Variants in NEK11 observed in about 807,000 individuals in gnomAD.
The protein encoded by NEK11 is NIMA related kinase 11, also known as serine/threonine-protein kinase Nek11.
In NEK11, 72 loss-of-function variants were observed where a neutral mutation model predicts 80.7. The observed-to-expected ratio is 0.89, with a 90% CI of 0.74 to 1.08. The LOEUF (loss-of-function observed/expected upper bound fraction) is 1.08, where lower values mean the gene tolerates loss of function less well. Among genes scored for constraint, NEK11 ranks in the 50% least tolerant of loss-of-function variants. The probability of loss-of-function intolerance (pLI) is 0.00; values close to 1 mark genes in which losing one functional copy is unlikely to be tolerated. For missense variants in NEK11, 764 were observed against 763.6 expected (o/e 1.00, Z -0.01); for synonymous variants, 251 against 260.7 (o/e 0.96, Z 0.36).
At chr3:131,251,342 AG>A (rs1012170339) in intron 16 of NEK11, among the ~76,000 whole-genome samples, 7 of 152,026 alleles carry the variant, frequency 4.6e-5, no homozygotes, top group African/African-American at 1.7e-4. Flanking sequence ...TTCTTAGATT[AG>A]AAGTCAATTT....
chr3:131,100,785 T>C (rs544724005), intron 4 of NEK11, among the ~76,000 whole-genome samples: 2 of 152,322 alleles, frequency 1.3e-5, no homozygotes, highest in South Asian at 4.1e-4. Flanking sequence ...CCCCTCCTCC[T>C]TGATTTTTTG....
intron 17 of NEK11, among the ~76,000 whole-genome samples, chr3:131,282,708 A>G (rs1371199070): frequency 1.3e-5 from 2 of 152,232 alleles, no homozygotes; most frequent in Admixed American, 6.5e-5. Context: ...TCACAGGAAT[A>G]TCTTGACAGG....
At chr3:131,094,101 G>T (rs760687284) in intron 4 of NEK11, among the ~76,000 whole-genome samples, 3 of 150,460 alleles carry the variant, frequency 2.0e-5, no homozygotes, top group Non-Finnish European at 4.4e-5. Flanking sequence ...GAGATATAGG[G>T]ATCCAAGGCT....
intron 17 of NEK11, among the ~76,000 whole-genome samples, chr3:131,290,709 C>T (rs1433182588): frequency 6.6e-6 from 1 of 152,216 alleles, no homozygotes; most frequent in Non-Finnish European, 1.5e-5. Context: ...ACCTAGATTT[C>T]TACTAGTATG....
chr3:131,154,732 G>C (rs1472717613), intron 9 of NEK11: 3 of 292,634 alleles, frequency 1.0e-5, no homozygotes, highest in Non-Finnish European at 2.0e-5. Context: ...CAGTCTGGGA[G>C]GTTGGAAAAA....
chr3:131,110,277 A>G lies in NEK11; in HGVS notation c.455+356A>G, dbSNP rs914213595. On this transcript the variant is annotated intron_variant, in intron 5 of 17. Coordinates refer to ENST00000383366, the MANE Select transcript of NEK11 (RefSeq NM_024800.5). The stretch of plus-strand genomic sequence containing the variant: ...GTATCTTACAGCAGGCTTGAGTTGT[A>G]AATACCTTAGTATGCCACAAATGAA... Among the ~76,000 whole-genome samples, 4 of 152,256 alleles carry G rather than the reference A, an allele frequency of 2.6e-5. No homozygotes were observed. The East Asian group carries it at 7.7e-4, about 29-fold the overall frequency.
chr3:131,347,035 G>A (rs984005282), intron 17 of NEK11, among the ~76,000 whole-genome samples: 2 of 152,150 alleles, frequency 1.3e-5, no homozygotes, highest in African/African-American at 4.8e-5. Flanking sequence ...AATGACCAGG[G>A]TTTGGTAGAT....
At chr3:131,149,274 C>T (rs1015082530) in intron 7 of NEK11, among the ~76,000 whole-genome samples, 3 of 151,908 alleles carry the variant, frequency 2.0e-5, no homozygotes, top group East Asian at 1.9e-4. Context: ...GTTAGTTTGC[C>T]TCCAGGTTGA....
intron 4 of NEK11, among the ~76,000 whole-genome samples, chr3:131,099,393 A>G (rs761774554): frequency 6.8e-4 from 104 of 152,184 alleles, no homozygotes; most frequent in Non-Finnish European, 1.1e-3. Flanking sequence ...GTTTGAAGTC[A>G]GGTAGTGTGA....
At chr3:131,287,259 C>T (rs748319762) in intron 17 of NEK11, among the ~76,000 whole-genome samples, 9 of 152,002 alleles carry the variant, frequency 5.9e-5, no homozygotes, top group Non-Finnish European at 1.0e-4. Context: ...CAAGGATGGT[C>T]CAAAGATGTT....
intron 17 of NEK11, among the ~76,000 whole-genome samples, chr3:131,304,486 G>A (rs2096700716): frequency 6.6e-6 from 1 of 152,186 alleles, no homozygotes; most frequent in Non-Finnish European, 1.5e-5. Flanking sequence ...TTTTTGAGTT[G>A]CCAGAGTTCT....
At chr3:131,315,362 TTTTC>T (rs2096826352) in intron 17 of NEK11, among the ~76,000 whole-genome samples, 1 of 152,114 alleles carries the variant, frequency 6.6e-6, no homozygotes, top group African/African-American at 2.4e-5. Flanking sequence ...CATGCAGTAT[TTTTC>T]TTTCTGTGTC....
intron 17 of NEK11, among the ~76,000 whole-genome samples, chr3:131,340,782 C>G (rs2110358428): frequency 6.6e-6 from 1 of 152,160 alleles, no homozygotes; most frequent in Admixed American, 6.5e-5. Flanking sequence ...TATTTGTCCC[C>G]AACTGCCAAT....
At chr3:131,103,772 A>G (rs1380653391) in intron 4 of NEK11, among the ~76,000 whole-genome samples, 2 of 152,224 alleles carry the variant, frequency 1.3e-5, no homozygotes, top group Non-Finnish European at 2.9e-5. Flanking sequence ...GCTGCGGCCC[A>G]TGAACCCACG....
chr3:131,299,773 C>T (rs1302434117), intron 17 of NEK11, among the ~76,000 whole-genome samples: 1 of 152,116 alleles, frequency 6.6e-6, no homozygotes, highest in Non-Finnish European at 1.5e-5. Flanking sequence ...ATCTAGTCTA[C>T]CACTGATGAA....
At chr3:131,061,251 G>A (rs530113401) in intron 3 of NEK11, among the ~76,000 whole-genome samples, 12 of 152,188 alleles carry the variant, frequency 7.9e-5, no homozygotes, top group Non-Finnish European at 1.6e-4. Context: ...GATCTATGCT[G>A]TTCTAGACTG....
intron 5 of NEK11, among the ~76,000 whole-genome samples, chr3:131,123,638 T>C (rs1306338171): frequency 2.6e-5 from 4 of 152,074 alleles, no homozygotes; most frequent in South Asian, 2.1e-4. Flanking sequence ...TATATATTTA[T>C]AGAGGCCTAT....
In NEK11 at chr3:131,162,521, A is replaced by T. The variant is rs1204749613; in HGVS notation, c.1076A>T (p.Lys359Met). The change falls in exon 11 of 18, where the codon AAG becomes ATG. Residue 359 changes from lysine (K) to methionine (M), a missense_variant. By Grantham distance (95) the Lys-to-Met change is moderately conservative (BLOSUM62 -1). Transcript: ENST00000383366. ...KLQAADEKAR[K>M]LKKIVEEKYE... ...CAGGCGGCTGATGAGAAAGCCAGGAAGCTGAAGTAAGCTGCTTTTCCTTTA... is the reference window on the plus strand; with the variant it reads ...CAGGCGGCTGATGAGAAAGCCAGGATGCTGAAGTAAGCTGCTTTTCCTTTA... 6.2e-7 allele frequency: 1 copy of T among 1,613,932 alleles called. No individual in the cohort carries two copies. Among genetic ancestry groups the T allele is most frequent in the Non-Finnish European group, 8.5e-7 (1 of 1,179,962 alleles).
intron 17 of NEK11, among the ~76,000 whole-genome samples, chr3:131,338,030 G>A (rs1332144818): frequency 6.6e-6 from 1 of 151,804 alleles, no homozygotes; most frequent in Non-Finnish European, 1.5e-5. Flanking sequence ...GCAGTGGCAC[G>A]ATCTTGGCTC....
Sources: allele counts gnomAD v4.1 joint callset (sites outside exome capture counted in the v4.1 genomes callset), GRCh38; gene constraint gnomAD v4.1.1; transcripts MANE v1.5; gene names NCBI Gene and HGNC (gene_info 2026-07-23, HGNC 2026-07-21).